The following ZFYVE9 variants were observed in gnomAD, a reference collection of about 807,000 sequenced individuals.
ZFYVE9 encodes zinc finger FYVE domain-containing protein 9.
In ZFYVE9, 43 loss-of-function variants were observed where a neutral mutation model predicts 126.7. The observed-to-expected ratio is 0.34, with a 90% CI of 0.27 to 0.44. ZFYVE9 has a LOEUF of 0.44. ZFYVE9 is among the 20% of genes least tolerant of loss of function. The pLI is 1.00. For missense variants in ZFYVE9, 1,476 were observed against 1,697.0 expected (o/e 0.87, Z 2.29); for synonymous variants, 521 against 597.4 (o/e 0.87, Z 1.87).
In ZFYVE9 at chr1:52,237,868, G is replaced by T; in HGVS notation, c.451G>T (p.Val151Leu). The T allele has an allele frequency of 2.4e-5, 39 of 1,614,060 alleles. No individual in the cohort carries two copies. Among genetic ancestry groups the T allele is most frequent in the Non-Finnish European group, 3.3e-5 (39 of 1,179,960 alleles). Residue 151 changes from valine to leucine, a missense_variant, in exon 4 of 19, where the codon GTA becomes TTA. Coordinates refer to ENST00000287727, the MANE Select transcript of ZFYVE9 (RefSeq NM_004799.4). ...CLPDEKNVLV[V>L]AVMHNCDKRT... ...GCCAGATGAGAAGAATGTTCTTGTTGTAGCCGTCATGCATAACTGTGATAA... is the reference window on the plus strand; with the variant it reads ...GCCAGATGAGAAGAATGTTCTTGTTTTAGCCGTCATGCATAACTGTGATAA...
chr1:52,201,797 T>TATTC (rs1043377118), intron 1 of ZFYVE9, among the ~76,000 whole-genome samples: 1 of 151,154 alleles, frequency 6.6e-6, no homozygotes, highest in Admixed American at 6.6e-5. Context: ...TTTATTTATT[T>TATTC]TTTTGAGATG....
At chr1:52,181,541 C>G (rs1644703582) in intron 1 of ZFYVE9, among the ~76,000 whole-genome samples, 1 of 152,192 alleles carries the variant, frequency 6.6e-6, no homozygotes, top group Non-Finnish European at 1.5e-5. Context: ...TGCCTGGCCG[C>G]CCATCGTCTG....
At chr1:52,243,287 T>C (rs1432250060) in intron 4 of ZFYVE9, among the ~76,000 whole-genome samples, 1 of 152,030 alleles carries the variant, frequency 6.6e-6, no homozygotes, top group Non-Finnish European at 1.5e-5. Flanking sequence ...ACATGATTTG[T>C]GGCAAGGGCG....
chr1:52,298,006 G>A (rs1257625528), intron 12 of ZFYVE9, among the ~76,000 whole-genome samples: 8 of 152,106 alleles, frequency 5.3e-5, no homozygotes, highest in Non-Finnish European at 8.8e-5. Context: ...TAATTGGGTT[G>A]TCTTTTTGCT....
chr1:52,156,021 T>C (rs888033212), intron 1 of ZFYVE9, among the ~76,000 whole-genome samples: 5 of 152,212 alleles, frequency 3.3e-5, no homozygotes, highest in African/African-American at 1.2e-4. Flanking sequence ...TTGCTCATCT[T>C]GCAAGATCAA....
chr1:52,228,346 T>G (rs1482009301), intron 2 of ZFYVE9, among the ~76,000 whole-genome samples: 3 of 152,198 alleles, frequency 2.0e-5, no homozygotes, highest in Non-Finnish European at 4.4e-5. Flanking sequence ...CCCAAAGTGC[T>G]AAACTCTTTA....
At chr1:52,187,144 G>A (rs1179111989) in intron 1 of ZFYVE9, among the ~76,000 whole-genome samples, 1 of 152,082 alleles carries the variant, frequency 6.6e-6, no homozygotes. Flanking sequence ...ACAGAATAGA[G>A]AGCCCAGAAA....
intron 13 of ZFYVE9, among the ~76,000 whole-genome samples, chr1:52,323,297 T>C (rs1398841932): frequency 1.3e-5 from 2 of 152,264 alleles, no homozygotes; most frequent in Non-Finnish European, 2.9e-5. Context: ...CTGACTCTCC[T>C]ATTTAAAATT....
At chr1:52,260,749 G>A (rs947006710) in intron 4 of ZFYVE9, among the ~76,000 whole-genome samples, 5 of 152,168 alleles carry the variant, frequency 3.3e-5, no homozygotes, top group Admixed American at 2.0e-4. Flanking sequence ...CCCTAGAGGC[G>A]GAGGTTGCAA....
chr1:52,266,399 AT>A (rs1645633658), intron 5 of ZFYVE9, among the ~76,000 whole-genome samples: 1 of 122,816 alleles, frequency 8.1e-6, no homozygotes, highest in African/African-American at 3.3e-5. Flanking sequence ...TCCCGGTCTA[AT>A]TCTTTAAAAA....
In ZFYVE9 at chr1:52,202,003, C is replaced by T. The variant is rs1368585013; in HGVS notation, c.-142-14366C>T. 5.9e-5 allele frequency among the ~76,000 whole-genome samples: 9 copies of T among 151,860 alleles called. No individual in the cohort carries two copies. The South Asian group carries it at 6.2e-4, about 11-fold the overall frequency. On this transcript the variant is annotated intron_variant, in intron 1 of 18. Coordinates refer to ENST00000287727, the MANE Select transcript of ZFYVE9 (RefSeq NM_004799.4). ...TTCGCCACATGGGCCAGGTTGGTCT[C>T]GAACTCCTGACCTTAGGTGATCCCC... is the stretch of plus-strand genomic sequence containing the variant.
chr1:52,198,588 G>C (rs1039896820), intron 1 of ZFYVE9, among the ~76,000 whole-genome samples: 1 of 152,184 alleles, frequency 6.6e-6, no homozygotes, highest in South Asian at 2.1e-4. Flanking sequence ...TTTACTGCAA[G>C]TGTTAGGCTA....
At chr1:52,334,158 T>A (rs1646369240) in intron 14 of ZFYVE9, among the ~76,000 whole-genome samples, 1 of 152,050 alleles carries the variant, frequency 6.6e-6, no homozygotes, top group Non-Finnish European at 1.5e-5. Context: ...TCAGAATATA[T>A]TTGATCTAAA....
rs770706827 is a variant in ZFYVE9 at position 52,238,423 on chromosome 1, G to T, written c.1006G>T (p.Gly336Cys). Reference protein sequence around the residue: ...ESTTEESLRSGLPLLLKPDMP... With the variant: ...ESTTEESLRSCLPLLLKPDMP... ...CACCACTGAAGAATCCCTCCGGTCTGGTTTACCTTTGCTTCTCAAACCAGA... is the reference window on the plus strand; with the variant it reads ...CACCACTGAAGAATCCCTCCGGTCTTGTTTACCTTTGCTTCTCAAACCAGA... Residue 336 changes from glycine (G) to cysteine (C), a missense_variant, in exon 4 of 19, where the codon GGT (glycine) becomes TGT (cysteine). Gly to Cys is a radical substitution (Grantham distance 159). Coordinates refer to ENST00000287727, the MANE Select transcript of ZFYVE9 (RefSeq NM_004799.4). 1.9e-6 allele frequency: 3 copies of T among 1,613,910 alleles called. No individual in the cohort carries two copies. The highest frequency in any genetic ancestry group is 8.5e-7 in the Non-Finnish European group (1 of 1,179,960).
At chr1:52,164,270 G>A (rs1233829756) in intron 1 of ZFYVE9, among the ~76,000 whole-genome samples, 2 of 152,086 alleles carry the variant, frequency 1.3e-5, no homozygotes, top group African/African-American at 4.8e-5. Flanking sequence ...CTGGAGTGCA[G>A]TGGCATGATC....
intron 9 of ZFYVE9, among the ~76,000 whole-genome samples, chr1:52,280,274 C>G (rs564425751): frequency 1.3e-5 from 2 of 149,990 alleles, no homozygotes; most frequent in South Asian, 4.2e-4. Context: ...CAGCTACTCT[C>G]GAGGCTGAGG....
chr1:52,263,940 T>C (rs1344605358), intron 5 of ZFYVE9, 68 bp downstream of exon 5: 15 of 993,654 alleles, frequency 1.5e-5, no homozygotes, highest in Non-Finnish European at 2.1e-5. Flanking sequence ...TGAGAAGACT[T>C]TTTTCCCCCT....
chr1:52,169,614 A>G (rs968682017), intron 1 of ZFYVE9, among the ~76,000 whole-genome samples: 2 of 152,304 alleles, frequency 1.3e-5, no homozygotes, highest in African/African-American at 2.4e-5. Context: ...ACCTGGTTAG[A>G]TAAACTCCAC....
At chr1:52,317,764 C>A (rs1163022249) in intron 13 of ZFYVE9, among the ~76,000 whole-genome samples, 1 of 152,154 alleles carries the variant, frequency 6.6e-6, no homozygotes, top group Non-Finnish European at 1.5e-5. Context: ...ACTATCATTA[C>A]AGGTCCGATA....
Sources: gnomAD v4.1 joint callset for allele counts (sites outside exome capture counted in the v4.1 genomes callset) on GRCh38, gnomAD v4.1.1 for gene constraint, MANE v1.5 for transcripts, NCBI Gene and HGNC (gene_info 2026-07-23, HGNC 2026-07-21) for gene names.